Variants in NRXN1 observed in about 807,000 individuals in gnomAD.
The protein encoded by NRXN1 is neurexin 1.
In NRXN1, 39 loss-of-function variants were observed where a neutral mutation model predicts 150.9. That is an observed-to-expected ratio of 0.26 (90% CI 0.20 to 0.34). NRXN1 has a LOEUF of 0.34. NRXN1 is among the 10% of genes least tolerant of loss of function. NRXN1 has a pLI of 1.00. For synonymous variants in NRXN1, 924 were observed against 757.0 expected (o/e 1.22, Z -3.62); for missense variants, 1,815 against 1,949.9 (o/e 0.93, Z 1.30).
intron 2 of NRXN1, among the ~76,000 whole-genome samples, chr2:51,022,074 T>C (rs1222344048): frequency 6.6e-6 from 1 of 152,074 alleles, no homozygotes; most frequent in Admixed American, 6.6e-5. Flanking sequence ...AATGGATCAT[T>C]ATTATACTAA....
chr2:51,030,599 C>T (rs888711076), intron 1 of NRXN1, among the ~76,000 whole-genome samples: 4 of 151,778 alleles, frequency 2.6e-5, no homozygotes, highest in Non-Finnish European at 5.9e-5. Context: ...ATACACACTG[C>T]CCACTAGCAA....
intron 5 of NRXN1, among the ~76,000 whole-genome samples, chr2:50,782,467 T>C (rs1290555121): frequency 6.6e-6 from 1 of 151,854 alleles, no homozygotes; most frequent in African/African-American, 2.4e-5. Context: ...AGACTCTGTC[T>C]CAAACAAACA....
At chr2:50,688,395 G>A (rs1417385009) in intron 5 of NRXN1, among the ~76,000 whole-genome samples, 1 of 152,090 alleles carries the variant, frequency 6.6e-6, no homozygotes, top group Non-Finnish European at 1.5e-5. Flanking sequence ...TCCCTACAGA[G>A]CCCTCCTTAT....
intron 17 of NRXN1, among the ~76,000 whole-genome samples, chr2:50,420,962 C>CTGTGTGTGTGTGTG (rs4032055): frequency 2.5e-5 from 3 of 119,940 alleles, no homozygotes; most frequent in Non-Finnish European, 3.6e-5. Context: ...CAAAATAGAC[C>CTGTGTGTGTGTGTG]TGTGTGTGTG....
At chr2:50,749,269 C>G (rs1190523874) in intron 5 of NRXN1, among the ~76,000 whole-genome samples, 1 of 152,080 alleles carries the variant, frequency 6.6e-6, no homozygotes, top group Admixed American at 6.6e-5. Flanking sequence ...GTGGTACATT[C>G]TAATAAGATG....
At chr2:50,299,128 A>G (rs559872252) in intron 17 of NRXN1, among the ~76,000 whole-genome samples, 2 of 152,070 alleles carry the variant, frequency 1.3e-5, no homozygotes, top group Non-Finnish European at 2.9e-5. Flanking sequence ...TTATGGATTT[A>G]TTTTTTATAT....
At chr2:49,954,870 A>G (rs1674651990) in intron 21 of NRXN1, among the ~76,000 whole-genome samples, 1 of 152,152 alleles carries the variant, frequency 6.6e-6, no homozygotes, top group Admixed American at 6.6e-5. Context: ...TTTTGGGTAC[A>G]GTTTATGTTT....
intron 15 of NRXN1, among the ~76,000 whole-genome samples, chr2:50,474,683 C>CAAAAAAA (rs754558377): frequency 1.8e-4 from 10 of 54,996 alleles, no homozygotes; most frequent in African/African-American, 4.9e-4. Context: ...ACAGAAATAG[C>CAAAAAAA]AAAAAAAAAA....
rs1670715597 is a variant in NRXN1 at position 51,027,529 on chromosome 2, C to T, written c.745G>A (p.Gly249Ser). The change falls in exon 2 of 23, where the codon GGC becomes AGC. Residue 249 changes from glycine (G) to serine (S), a missense_variant. Gly to Ser is a moderately conservative substitution (Grantham distance 56). Coordinates refer to ENST00000401669, the MANE Select transcript of NRXN1 (RefSeq NM_001330078.2). ...TGGCTGCAGTCCTTGCCGCGGAAGC[C>T]GGTTCGCGAGCAGTCGCACACGGCC... ...DQAVCDCSRTGFRGKDCSQED... is the reference protein window; with the variant it reads ...DQAVCDCSRTSFRGKDCSQED... The T allele has an allele frequency of 1.3e-6, 2 of 1,554,442 alleles. No homozygotes were observed. Among genetic ancestry groups the T allele is most frequent in the Non-Finnish European group, 1.7e-6 (2 of 1,146,244 alleles).
intron 18 of NRXN1, among the ~76,000 whole-genome samples, chr2:50,226,586 T>C (rs2152864890): frequency 6.6e-6 from 1 of 152,026 alleles, no homozygotes; most frequent in East Asian, 1.9e-4. Flanking sequence ...TGAGGTAGAA[T>C]GTGGAGTAGC....
chr2:50,794,771 C>T (rs1484999958), intron 5 of NRXN1, among the ~76,000 whole-genome samples: 5 of 152,078 alleles, frequency 3.3e-5, no homozygotes, highest in African/African-American at 1.2e-4. Context: ...ATATAATTCC[C>T]CATTTACATC....
intron 18 of NRXN1, among the ~76,000 whole-genome samples, chr2:50,133,517 T>C (rs1705888648): frequency 2.0e-5 from 3 of 152,172 alleles, no homozygotes; most frequent in Non-Finnish European, 4.4e-5. Context: ...GACTCTTCTT[T>C]AGGTCCACAG....
At chr2:51,010,267 C>T (rs966152682) in intron 2 of NRXN1, among the ~76,000 whole-genome samples, 1 of 151,924 alleles carries the variant, frequency 6.6e-6, no homozygotes, top group Admixed American at 6.6e-5. Flanking sequence ...TTTCTTTACC[C>T]TCTTCACTGA....
intron 5 of NRXN1, among the ~76,000 whole-genome samples, chr2:50,792,027 G>A (rs1706118477): frequency 6.6e-6 from 1 of 152,170 alleles, no homozygotes; most frequent in Middle Eastern, 3.4e-3. Context: ...AAGCAATATG[G>A]ACAGAAGAAA....
intron 17 of NRXN1, among the ~76,000 whole-genome samples, chr2:50,460,939 C>CA (rs2088139005): frequency 1.3e-5 from 2 of 152,046 alleles, no homozygotes; most frequent in Middle Eastern, 3.4e-3. Flanking sequence ...TAAGTGACAC[C>CA]AGCAGCAAAT....
chr2:50,685,711 T>C (rs750560044), intron 5 of NRXN1, among the ~76,000 whole-genome samples: 4 of 152,130 alleles, frequency 2.6e-5, no homozygotes, highest in Non-Finnish European at 5.9e-5. Context: ...TTTTGTTTCA[T>C]CCTGTCAGTA....
At chr2:50,325,376 C>T (rs937111087) in intron 17 of NRXN1, among the ~76,000 whole-genome samples, 1 of 152,176 alleles carries the variant, frequency 6.6e-6, no homozygotes, top group Admixed American at 6.5e-5. Flanking sequence ...TTGTCATGCC[C>T]CCCACCAGGT....
chr2:49,957,859 G>T (rs1349893184), intron 21 of NRXN1, among the ~76,000 whole-genome samples: 1 of 152,074 alleles, frequency 6.6e-6, no homozygotes, highest in Non-Finnish European at 1.5e-5. Flanking sequence ...CATCCAGTTG[G>T]CGTCTTGCTC....
chr2:50,846,225 G>T (rs1228743557), intron 5 of NRXN1, among the ~76,000 whole-genome samples: 1 of 152,086 alleles, frequency 6.6e-6, no homozygotes, highest in East Asian at 1.9e-4. Flanking sequence ...GTGTTTTAGA[G>T]CATCAGTAAA....
Sources: allele counts gnomAD v4.1 joint callset (sites outside exome capture counted in the v4.1 genomes callset), GRCh38; gene constraint gnomAD v4.1.1; transcripts MANE v1.5; gene names NCBI Gene and HGNC (gene_info 2026-07-23, HGNC 2026-07-21).